Variants in VSNL1 observed in about 807,000 individuals in gnomAD.
VSNL1 encodes the protein visinin-like protein 1.
VSNL1 carries 6 observed loss-of-function variants against 20.4 expected under a neutral mutation model. That is an observed-to-expected ratio of 0.29 (90% CI 0.16 to 0.58). VSNL1 has a LOEUF of 0.58. VSNL1 is among the 20% of genes least tolerant of loss of function. The pLI, the probability that VSNL1 is intolerant of heterozygous loss-of-function variation, is 0.90. For missense variants in VSNL1, 100 were observed against 234.5 expected (o/e 0.43, Z 3.75); for synonymous variants, 93 against 86.4 (o/e 1.08, Z -0.42).
At chr2:17,616,125 G>C (rs1665210680) in intron 2 of VSNL1, among the ~76,000 whole-genome samples, 1 of 152,200 alleles carries the variant, frequency 6.6e-6, no homozygotes, top group African/African-American at 2.4e-5. Flanking sequence ...CACTGCTGTG[G>C]TCTGTGCACT....
chr2:17,579,118 T>C (rs914615630), intron 1 of VSNL1, among the ~76,000 whole-genome samples: 4 of 152,076 alleles, frequency 2.6e-5, no homozygotes, highest in African/African-American at 7.2e-5. Context: ...CTTTCTTTTT[T>C]TTTATTTTTT....
intron 1 of VSNL1, among the ~76,000 whole-genome samples, chr2:17,564,072 G>A (rs191172417): frequency 6.6e-6 from 1 of 152,174 alleles, no homozygotes; most frequent in Non-Finnish European, 1.5e-5. Flanking sequence ...GTCAAGCATC[G>A]TAAAATAAAA....
In VSNL1 at chr2:17,649,877, C is replaced by A. The variant is rs1047572428; in HGVS notation, c.378+252C>A. On this transcript the variant is annotated intron_variant, in intron 3 of 3. Coordinates refer to ENST00000295156, the MANE Select transcript of VSNL1 (RefSeq NM_003385.5). The surrounding 1 kb of genome is among the most constrained non-coding windows in gnomAD (Gnocchi z 6.4). ...CATTCACTCACTACTGGATCTCCCA[C>A]GAACCTGTCTTACTGTGCACACAGG... is the stretch of plus-strand genomic sequence containing the variant. Among the ~76,000 whole-genome samples, 2 of 152,176 alleles carry A rather than the reference C, an allele frequency of 1.3e-5. No homozygotes were observed. Among genetic ancestry groups the A allele is most frequent in the Non-Finnish European group, 2.9e-5 (2 of 68,032 alleles).
chr2:17,542,899 G>C (rs1466230563), intron 1 of VSNL1, among the ~76,000 whole-genome samples: 2 of 152,194 alleles, frequency 1.3e-5, no homozygotes, highest in Non-Finnish European at 2.9e-5. Context: ...TGAGGAAACT[G>C]AGGCCCAGAA....
chr2:17,562,976 C>G (rs1435567243), intron 1 of VSNL1, among the ~76,000 whole-genome samples: 1 of 152,114 alleles, frequency 6.6e-6, no homozygotes, highest in Admixed American at 6.5e-5. Context: ...ACTCTTGGGT[C>G]GGTGACTCAA....
intron 1 of VSNL1, among the ~76,000 whole-genome samples, chr2:17,558,940 C>T (rs1663748591): frequency 6.6e-6 from 1 of 152,098 alleles, no homozygotes; most frequent in African/African-American, 2.4e-5. Flanking sequence ...AAATTTATTT[C>T]TCACTCATAT....
At chr2:17,591,010 A>AT (rs1664582491) in intron 1 of VSNL1, among the ~76,000 whole-genome samples, 1 of 152,128 alleles carries the variant, frequency 6.6e-6, no homozygotes, top group African/African-American at 2.4e-5. Context: ...TAGTCTTATT[A>AT]TTATTTATTA....
At chr2:17,566,309 A>G (rs1663941001) in intron 1 of VSNL1, among the ~76,000 whole-genome samples, 1 of 152,172 alleles carries the variant, frequency 6.6e-6, no homozygotes, top group East Asian at 1.9e-4. Context: ...CTTCTGCTGT[A>G]TTAAATACTG....
chr2:17,615,084 C>CA lies in VSNL1; in HGVS notation c.162+22853dup, dbSNP rs563541268. ...GCTCCCATGATATCCTACCTTTCCT[C>CA]AAAAACCTCCTGTATCCATGACATG... On this transcript the variant is annotated intron_variant, in intron 2 of 3. Coordinates refer to ENST00000295156, the MANE Select transcript of VSNL1 (RefSeq NM_003385.5). 2.4e-3 allele frequency among the ~76,000 whole-genome samples: 358 copies of CA among 152,266 alleles called. 4 individuals carry two copies. Among genetic ancestry groups the CA allele is most frequent in the Middle Eastern group, 0.01 (3 of 294 alleles).
chr2:17,584,838 TAACA>T (rs879610120), intron 1 of VSNL1, among the ~76,000 whole-genome samples: 5,015 of 152,228 alleles, frequency 0.033, 90 homozygotes, highest in East Asian at 0.097. Context: ...GGCTAGGCCC[TAACA>T]TACTAACTCG....
At chr2:17,594,239 G>GT (rs1242021261) in intron 2 of VSNL1, among the ~76,000 whole-genome samples, 1 of 152,160 alleles carries the variant, frequency 6.6e-6, no homozygotes, top group African/African-American at 2.4e-5. Flanking sequence ...CCTAGAGTGG[G>GT]TTTTTTATTC....
At chr2:17,540,358 A>C (rs1002164709), upstream of VSNL1, among the ~76,000 whole-genome samples, 11 of 152,366 alleles carry the variant, frequency 7.2e-5, no homozygotes, top group African/African-American at 2.4e-4. Flanking sequence ...AGGTTCGGTA[A>C]CCACTGGGCG....
intron 2 of VSNL1, among the ~76,000 whole-genome samples, chr2:17,619,559 G>A (rs1361639184): frequency 6.6e-6 from 1 of 152,136 alleles, no homozygotes; most frequent in East Asian, 1.9e-4. Flanking sequence ...GTGCTTTGGT[G>A]GAAAGTTTGG....
At chr2:17,578,807 C>G (rs1487371866) in intron 1 of VSNL1, among the ~76,000 whole-genome samples, 1 of 152,222 alleles carries the variant, frequency 6.6e-6, no homozygotes, top group Non-Finnish European at 1.5e-5. Context: ...AAAGGCCCAG[C>G]AAGGACAGCA....
chr2:17,600,177 G>T (rs1266367226), intron 2 of VSNL1, among the ~76,000 whole-genome samples: 2 of 152,316 alleles, frequency 1.3e-5, no homozygotes, highest in East Asian at 3.9e-4. Context: ...TACACTAGCA[G>T]TGTGAATATG....
intron 1 of VSNL1, among the ~76,000 whole-genome samples, chr2:17,551,887 C>T (rs1198682523): frequency 8.1e-6 from 1 of 123,878 alleles, no homozygotes; most frequent in Non-Finnish European, 1.7e-5. Flanking sequence ...TAATAGCTAG[C>T]AATTTTGTTA....
At chr2:17,558,183 A>G (rs1032300539) in intron 1 of VSNL1, among the ~76,000 whole-genome samples, 6 of 152,206 alleles carry the variant, frequency 3.9e-5, no homozygotes, top group African/African-American at 9.6e-5. Flanking sequence ...ATGTCCTGAC[A>G]TAAGGTTTTA....
At chr2:17,654,294 A>T (rs1666179628) in intron 3 of VSNL1, among the ~76,000 whole-genome samples, 1 of 152,174 alleles carries the variant, frequency 6.6e-6, no homozygotes, top group African/African-American at 2.4e-5. Context: ...TGGATAATTG[A>T]AATCTTCTCA....
In VSNL1 at chr2:17,551,925, G is replaced by A. The variant is rs1572326529; in HGVS notation, c.-6+11007G>A. 2.7e-5 allele frequency among the ~76,000 whole-genome samples: 4 copies of A among 147,336 alleles called. No individual in the cohort carries two copies. The East Asian group carries it at 5.9e-4, about 22-fold the overall frequency. On this transcript the variant is annotated intron_variant, in intron 1 of 3. Coordinates refer to ENST00000295156, the MANE Select transcript of VSNL1 (RefSeq NM_003385.5). ...AAAAAAAAAAAAAAAAAGCCCAGGCGTGGTGGCTCACCCCTGTAATCCCAG... is the reference window on the plus strand; with the variant it reads ...AAAAAAAAAAAAAAAAAGCCCAGGCATGGTGGCTCACCCCTGTAATCCCAG...
Sources: allele counts gnomAD v4.1 joint callset (sites outside exome capture counted in the v4.1 genomes callset), GRCh38; gene constraint gnomAD v4.1.1; non-coding constraint Gnocchi (gnomAD v3.1); transcripts MANE v1.5; gene names NCBI Gene and HGNC (gene_info 2026-07-23, HGNC 2026-07-21).